The following ITGA1 variants were observed in gnomAD, a reference collection of about 807,000 sequenced individuals.
ITGA1 encodes integrin alpha-1.
A neutral mutation model predicts 145.9 loss-of-function variants in ITGA1; 85 were observed. The observed-to-expected ratio is 0.58, with a 90% confidence interval of 0.49 to 0.70. The LOEUF (loss-of-function observed/expected upper bound fraction) is 0.70. ITGA1 is among the 30% of genes least tolerant of loss of function. The probability of loss-of-function intolerance (pLI) is 0.00; values close to 1 mark genes in which losing one functional copy is unlikely to be tolerated. For missense variants in ITGA1, 1,351 were observed against 1,418.7 expected (o/e 0.95, Z 0.77); for synonymous variants, 520 against 495.3 (o/e 1.05, Z -0.66).
intron 27 of ITGA1, among the ~76,000 whole-genome samples, chr5:52,946,253 C>T (rs988746049): frequency 2.0e-5 from 3 of 152,108 alleles, no homozygotes; most frequent in African/African-American, 4.8e-5. Flanking sequence ...ATCTGCCTTG[C>T]TGGGCTTAGT....
intron 11 of ITGA1, chr5:52,902,041 C>A (rs1750322354): frequency 6.6e-6 from 1 of 151,790 alleles, no homozygotes; most frequent in African/African-American, 2.4e-5. Context: ...ATGAAGTTTT[C>A]AAAATGTTTC....
chr5:52,821,126 A>T lies in ITGA1; in HGVS notation c.62-28239A>T, dbSNP rs576276374. 4.6e-5 allele frequency among the ~76,000 whole-genome samples: 7 copies of T among 152,348 alleles called. No homozygotes were observed. In the East Asian group the frequency reaches 1.3e-3, roughly 29 times the overall value. On this transcript the variant is annotated intron_variant, in intron 1 of 28. Coordinates refer to ENST00000282588, the MANE Select transcript of ITGA1 (RefSeq NM_181501.2). Reference sequence around the variant, plus strand: ...TCTATTTAATAAATGTTGGTTGATTAATAGATAAAGGCACGTTTATATATA... The same window carrying T: ...TCTATTTAATAAATGTTGGTTGATTTATAGATAAAGGCACGTTTATATATA...
At chr5:52,913,053 C>T (rs1013094874) in intron 14 of ITGA1, among the ~76,000 whole-genome samples, 1 of 151,824 alleles carries the variant, frequency 6.6e-6, no homozygotes, top group Non-Finnish European at 1.5e-5. Flanking sequence ...GCCGTAATTA[C>T]TTTATATTTT....
At chr5:52,950,116 T>C (rs926973108) in intron 28 of ITGA1, among the ~76,000 whole-genome samples, 1 of 152,186 alleles carries the variant, frequency 6.6e-6, no homozygotes, top group Non-Finnish European at 1.5e-5. Flanking sequence ...TCATGATTGA[T>C]GGGAGGAATC....
chr5:52,846,045 C>G (rs1749328306), intron 1 of ITGA1, among the ~76,000 whole-genome samples: 1 of 152,104 alleles, frequency 6.6e-6, no homozygotes, highest in Non-Finnish European at 1.5e-5. Context: ...TGTATATCGC[C>G]TATGTCTTCT....
intron 1 of ITGA1, among the ~76,000 whole-genome samples, chr5:52,847,385 G>C (rs1485484682): frequency 6.6e-6 from 1 of 152,128 alleles, no homozygotes; most frequent in African/African-American, 2.4e-5. Flanking sequence ...AAATATTAGA[G>C]TGATTTAATC....
rs1167203237 is a variant in ITGA1 at position 52,958,784 on chromosome 5, CAT to C, written c.*6335_*6336del. Reference sequence around the variant, plus strand: ...CAATGAACTGTTCTGCCTGATCTAACATAAAGTTATATTTCATTGCTCATTTT... The same window carrying C: ...CAATGAACTGTTCTGCCTGATCTAACAAAGTTATATTTCATTGCTCATTTT... On this transcript the variant is annotated 3_prime_UTR_variant, in exon 29 of 29. Transcript: ENST00000282588. The C allele has an allele frequency of 6.6e-6, 1 of 152,128 alleles. No individual in the cohort carries two copies. Among genetic ancestry groups the C allele is most frequent in the African/African-American group, 2.4e-5 (1 of 41,446 alleles). The allele number at this position is 152,128 out of a possible 1,614,324, so 9.4% of individuals were successfully genotyped here.
chr5:52,861,645 C>A (rs1749606100), intron 3 of ITGA1, 86 bp downstream of exon 3: 3 of 790,630 alleles, frequency 3.8e-6, no homozygotes, highest in East Asian at 2.4e-5. Flanking sequence ...TCAAGACAGG[C>A]ATATCGTTTG....
intron 1 of ITGA1, among the ~76,000 whole-genome samples, chr5:52,830,060 G>T (rs1228248144): frequency 1.3e-5 from 2 of 152,118 alleles, no homozygotes; most frequent in Non-Finnish European, 2.9e-5. Context: ...TCCCAAGAGT[G>T]ATATTTGATT....
In ITGA1 at chr5:52,793,279, G is replaced by A. The variant is rs561325725; in HGVS notation, c.61+4865G>A. ...TAGGCACTTTTTAATTGAATGAATC[G>A]CAAAAGAATTGACTATTGACAAACT... On this transcript the variant is annotated intron_variant, in intron 1 of 28. Coordinates refer to ENST00000282588, the MANE Select transcript of ITGA1 (RefSeq NM_181501.2). 2.3e-4 allele frequency among the ~76,000 whole-genome samples: 35 copies of A among 152,038 alleles called. No homozygotes were observed. The South Asian group carries it at 5.0e-3, about 22-fold the overall frequency.
At position 52,912,740 on chromosome 5, in the gene ITGA1, GTA is replaced by G. The variant is rs1554046519; in HGVS notation, c.1857+2335_1857+2336del. On this transcript the variant is annotated intron_variant, in intron 14 of 28. Transcript: ENST00000282588. The stretch of plus-strand genomic sequence containing the variant: ...TGTGTGTGTGTGTGTGTGTGTGTGT[GTA>G]TATATATATATATTTTTTTTTTGAG... 2.8e-3 allele frequency among the ~76,000 whole-genome samples: 351 copies of G among 125,990 alleles called. 2 individuals are homozygous for G. In the Middle Eastern group the frequency reaches 0.041, roughly 15 times the overall value. The allele number at this position is 125,990 out of a possible 152,430, so 82.7% of individuals were successfully genotyped here. A position where few individuals can be genotyped will look rare whatever the true frequency, so the allele number is the denominator to read the frequency against.
At chr5:52,892,548 G>A (rs1750167066) in intron 8 of ITGA1, among the ~76,000 whole-genome samples, 1 of 152,156 alleles carries the variant, frequency 6.6e-6, no homozygotes, top group South Asian at 2.1e-4. Flanking sequence ...AGACCTACAT[G>A]TGAATATTTA....
chr5:52,910,312 G>A lies in ITGA1; in HGVS notation c.1750G>A (p.Asp584Asn). The change falls in exon 14 of 29, where the codon GAT becomes AAT. Residue 584 changes from aspartate (D) to asparagine (N), a missense_variant. Asp to Asn is a conservative substitution (Grantham distance 23). Coordinates refer to ENST00000282588, the MANE Select transcript of ITGA1 (RefSeq NM_181501.2). ...AIAAVKDLNL[D>N]GFNDIVIGAP... ...TGCTGCTGTAAAAGACCTCAATCTTGATGGATTTAATGACATCGTGATAGG... is the reference window on the plus strand; with the variant it reads ...TGCTGCTGTAAAAGACCTCAATCTTAATGGATTTAATGACATCGTGATAGG... 6.2e-7 allele frequency: 1 copy of A among 1,613,996 alleles called. No individual in the cohort carries two copies. The highest frequency in any genetic ancestry group is 8.5e-7 in the Non-Finnish European group (1 of 1,179,940).
chr5:52,865,335 A>G (rs1749670298), intron 5 of ITGA1, among the ~76,000 whole-genome samples: 1 of 152,218 alleles, frequency 6.6e-6, no homozygotes, highest in African/African-American at 2.4e-5. Flanking sequence ...CTTATATTTA[A>G]AGAATGAGTC....
rs112614436 is a variant in ITGA1 at position 52,947,568 on chromosome 5, G to A, written c.3495+107G>A. The A allele has an allele frequency of 3.9e-4, 257 of 663,766 alleles. 1 individual carries two copies. The African/African-American group carries it at 4.4e-3, about 11-fold the overall frequency. 41.1% of individuals were successfully genotyped at this position (663,766 alleles called of 1,614,324 possible). A position where few individuals can be genotyped will look rare whatever the true frequency, so the allele number is the denominator to read the frequency against. On this transcript the variant is annotated intron_variant, in intron 28 of 28. Transcript: ENST00000282588. ...TGTAATATAGTATTATTACAGCAAT[G>A]AAACAAACGTTGAAATGATGACTAA... is the stretch of plus-strand genomic sequence containing the variant.
rs1750789766 is a variant in ITGA1 at position 52,925,380 on chromosome 5, AATG to A, written c.2509_2511del (p.Asp837del). 4 of 1,613,966 alleles carry A rather than the reference AATG, an allele frequency of 2.5e-6. No individual in the cohort carries two copies. The highest frequency in any genetic ancestry group is 1.3e-5 in the African/African-American group (1 of 74,934). Reference sequence around the variant, plus strand: ...GGACCTGCTGATTGTCCGATCCCAGAATGATAAGTTCAACGTTAGCCTCACAGT... The same window carrying A: ...GGACCTGCTGATTGTCCGATCCCAGAATAAGTTCAACGTTAGCCTCACAGT... On this transcript the variant is annotated inframe_deletion, in exon 19 of 29. Coordinates refer to ENST00000282588, the MANE Select transcript of ITGA1 (RefSeq NM_181501.2).
intron 27 of ITGA1, among the ~76,000 whole-genome samples, chr5:52,946,347 A>C (rs2111909457): frequency 6.6e-6 from 1 of 152,324 alleles, no homozygotes; most frequent in South Asian, 2.1e-4. Flanking sequence ...CAGCCTGGGC[A>C]AAATAGTGAA....
At chr5:52,887,674 A>T in intron 7 of ITGA1, 141 bp from the exon 8 acceptor site, 1 of 675,842 alleles carries the variant, frequency 1.5e-6, no homozygotes, top group South Asian at 2.7e-5. Flanking sequence ...ATGCCTCCCA[A>T]CTTGAATGAT....
intron 1 of ITGA1, among the ~76,000 whole-genome samples, chr5:52,804,547 T>C (rs1261902872): frequency 6.6e-6 from 1 of 152,214 alleles, no homozygotes; most frequent in Non-Finnish European, 1.5e-5. Flanking sequence ...ATTTTTCTTA[T>C]CTTTACTTAG....
Sources: gnomAD v4.1 joint callset for allele counts (sites outside exome capture counted in the v4.1 genomes callset) on GRCh38, gnomAD v4.1.1 for gene constraint, MANE v1.5 for transcripts, NCBI Gene and HGNC (gene_info 2026-07-23, HGNC 2026-07-21) for gene names.